Variants in DYNC2H1 observed in about 807,000 individuals in gnomAD.
DYNC2H1 encodes cytoplasmic dynein 2 heavy chain 1.
DYNC2H1 carries 410 observed loss-of-function variants against 570.0 expected under a neutral mutation model. The observed-to-expected ratio is 0.72, with a 90% CI of 0.66 to 0.78. The LOEUF (loss-of-function observed/expected upper bound fraction) is 0.78, where lower values mean the gene tolerates loss of function less well. Among genes scored for constraint, DYNC2H1 ranks in the 30% least tolerant of loss-of-function variants. DYNC2H1 has a pLI of 0.00. For synonymous variants in DYNC2H1, 1,688 were observed against 1,677.6 expected (o/e 1.01, Z -0.15); for missense variants, 4,865 against 5,046.4 (o/e 0.96, Z 1.09).
chr11:103,197,796 A>G (rs1438006233), intron 47 of DYNC2H1, 137 bp from the exon 48 acceptor site: 2 of 934,274 alleles, frequency 2.1e-6, no homozygotes, highest in African/African-American at 3.4e-5. Context: ...TGTACACTTT[A>G]AAGTATTTTG....
At chr11:103,378,231 C>T (rs1000427056) in intron 83 of DYNC2H1, among the ~76,000 whole-genome samples, 6 of 152,220 alleles carry the variant, frequency 3.9e-5, no homozygotes, top group African/African-American at 1.4e-4. Context: ...TCCTTTCACA[C>T]AGGCAACAGA....
At chr11:103,313,847 C>T (rs975400379) in intron 79 of DYNC2H1, among the ~76,000 whole-genome samples, 1 of 152,118 alleles carries the variant, frequency 6.6e-6, no homozygotes, top group African/African-American at 2.4e-5. Context: ...ATGTATACCA[C>T]ACTTATGGGG....
intron 53 of DYNC2H1, among the ~76,000 whole-genome samples, chr11:103,210,170 T>C (rs540611961): frequency 6.6e-6 from 1 of 152,068 alleles, no homozygotes; most frequent in Non-Finnish European, 1.5e-5. Flanking sequence ...CCCAACAGAA[T>C]ATCTACTGTG....
At chr11:103,415,644 G>A (rs1348669459) in intron 84 of DYNC2H1, among the ~76,000 whole-genome samples, 1 of 152,144 alleles carries the variant, frequency 6.6e-6, no homozygotes, top group Non-Finnish European at 1.5e-5. Context: ...AAAAAGTCAG[G>A]AAACAACCAA....
chr11:103,110,167 GCGCCGC>G (rs929224666), intron 1 of DYNC2H1, among the ~76,000 whole-genome samples: 1 of 151,874 alleles, frequency 6.6e-6, no homozygotes, highest in African/African-American at 2.4e-5. Flanking sequence ...TAGCAGGCGC[GCGCCGC>G]CACGCCTGGC....
chr11:103,125,146 T>C lies in DYNC2H1; in HGVS notation c.1708T>C (p.Leu570=). 1 of 1,613,606 alleles carries C rather than the reference T, an allele frequency of 6.2e-7. No individual in the cohort carries two copies. Among genetic ancestry groups the C allele is most frequent in the Non-Finnish European group, 8.5e-7 (1 of 1,179,744 alleles). The part of the protein sequence containing the change: ...RIMELDSNDG[L]LKVHYSDRLV... Reference sequence around the variant, plus strand: ...TATGGAATTGGATTCTAATGATGGATTACTAAAAGTGCATTATTCAGATCG... The same window carrying C: ...TATGGAATTGGATTCTAATGATGGACTACTAAAAGTGCATTATTCAGATCG... The change falls in exon 12 of 89, where the codon TTA becomes CTA. Residue 570 remains leucine (L), a synonymous_variant. Transcript: ENST00000375735.
intron 83 of DYNC2H1, among the ~76,000 whole-genome samples, chr11:103,388,551 A>G (rs1261549015): frequency 9.2e-5 from 14 of 152,244 alleles, no homozygotes; most frequent in Non-Finnish European, 1.9e-4. Flanking sequence ...TTGAATAGGA[A>G]TGGTGAGAGA....
chr11:103,257,586 C>T (rs1393415868), intron 68 of DYNC2H1, 22 bp from the exon 69 acceptor site: 16 of 1,600,866 alleles, frequency 1.0e-5, no homozygotes, highest in East Asian at 2.2e-5. Flanking sequence ...ACCCTATCCC[C>T]TACTGATCTC....
intron 76 of DYNC2H1, among the ~76,000 whole-genome samples, chr11:103,304,132 A>G (rs1867169370): frequency 6.6e-6 from 1 of 152,164 alleles, no homozygotes; most frequent in East Asian, 1.9e-4. Context: ...AAAATAGTTA[A>G]TAATGATTTT....
chr11:103,115,399 G>A lies in DYNC2H1; in HGVS notation c.621+104G>A, dbSNP rs534999214. On this transcript the variant is annotated intron_variant, in intron 4 of 88. Transcript: ENST00000375735. ...GTTTTAAAATGTACTTGATGATTGT[G>A]AACAAAATAGATTCTTTATATGGAG... 433 of 649,270 alleles carry A rather than the reference G, an allele frequency of 6.7e-4. 1 individual carries two copies. The Middle Eastern group carries it at 0.011, about 17-fold the overall frequency. The allele number at this position is 649,270 out of a possible 1,614,324, so 40.2% of individuals were successfully genotyped here. A position where few individuals can be genotyped will look rare whatever the true frequency, so the allele number is the denominator to read the frequency against.
chr11:103,112,348 G>T (rs182526238), intron 1 of DYNC2H1, among the ~76,000 whole-genome samples: 1 of 152,286 alleles, frequency 6.6e-6, no homozygotes, highest in African/African-American at 2.4e-5. Flanking sequence ...AATTGAAATA[G>T]GAAGTTATTG....
At position 103,363,096 on chromosome 11, in the gene DYNC2H1, G is replaced by A. The variant is rs971589576; in HGVS notation, c.12156+4737G>A. ...GGCATTTCATTTAAGTATACTGACA[G>A]CTGGTCTAGGTTTAGCTTGATTTTT... On this transcript the variant is annotated intron_variant, in intron 83 of 88. Transcript: ENST00000375735. This position sits in a 1 kb window ranked among gnomAD's most constrained non-coding sequence, Gnocchi z 5.6. 1.3e-5 allele frequency among the ~76,000 whole-genome samples: 2 copies of A among 152,104 alleles called. No homozygotes were observed. The highest frequency in any genetic ancestry group is 4.8e-5 in the African/African-American group (2 of 41,512).
At chr11:103,253,031 A>G (rs563483823) in intron 65 of DYNC2H1, among the ~76,000 whole-genome samples, 9 of 152,314 alleles carry the variant, frequency 5.9e-5, no homozygotes, top group Admixed American at 1.3e-4. Flanking sequence ...TTAAAACCAT[A>G]CTGAATGAGA....
At chr11:103,415,056 G>A (rs1019651881) in intron 84 of DYNC2H1, among the ~76,000 whole-genome samples, 2 of 152,142 alleles carry the variant, frequency 1.3e-5, no homozygotes, top group Non-Finnish European at 2.9e-5. Flanking sequence ...AGAAACACAA[G>A]CAATGGGGAA....
chr11:103,289,989 T>C lies in DYNC2H1; in HGVS notation c.11095+2384T>C, dbSNP rs1183372258. 6.6e-6 allele frequency among the ~76,000 whole-genome samples: 1 copy of C among 151,974 alleles called. No individual in the cohort carries two copies. Among genetic ancestry groups the C allele is most frequent in the Non-Finnish European group, 1.5e-5 (1 of 68,014 alleles). On this transcript the variant is annotated intron_variant, in intron 75 of 88. Transcript: ENST00000375735. The surrounding 1 kb of genome is among the most constrained non-coding windows in gnomAD (Gnocchi z 4.2). ...TGTGCAACTGCAAGCCAAGGAACAC[T>C]GAAGATTTTTAGTCAACCACGAGAA...
intron 83 of DYNC2H1, among the ~76,000 whole-genome samples, chr11:103,393,073 G>A (rs529631199): frequency 6.6e-5 from 10 of 152,064 alleles, no homozygotes; most frequent in Non-Finnish European, 8.8e-5. Flanking sequence ...TAGTAGAGAC[G>A]GGGTTTCACC....
intron 83 of DYNC2H1, among the ~76,000 whole-genome samples, chr11:103,393,238 TAGTC>T (rs1201260349): frequency 2.0e-5 from 3 of 152,214 alleles, no homozygotes; most frequent in African/African-American, 7.2e-5. Context: ...GCCTGACACA[TAGTC>T]AGTACTCCAT....
intron 83 of DYNC2H1, among the ~76,000 whole-genome samples, chr11:103,396,924 G>A (rs184050558): frequency 2.0e-5 from 3 of 152,104 alleles, no homozygotes; most frequent in Non-Finnish European, 4.4e-5. Flanking sequence ...GCTAAACAAT[G>A]GGTACACATG....
At position 103,208,573 on chromosome 11, in the gene DYNC2H1, T is replaced by C. The variant is rs577028812; in HGVS notation, c.8455-1303T>C. 1.8e-4 allele frequency among the ~76,000 whole-genome samples: 28 copies of C among 152,216 alleles called. 1 individual carries two copies. In the South Asian group the frequency reaches 5.8e-3, roughly 32 times the overall value. ...ATGTGGAACATTGTAGTGGGAAATA[T>C]CATTAAAAGCCAGATTGGGGACAGT... On this transcript the variant is annotated intron_variant, in intron 52 of 88. Transcript: ENST00000375735.
Sources: gnomAD v4.1 joint callset for allele counts (sites outside exome capture counted in the v4.1 genomes callset) on GRCh38, gnomAD v4.1.1 for gene constraint, Gnocchi (gnomAD v3.1) non-coding constraint, MANE v1.5 for transcripts, NCBI Gene and HGNC (gene_info 2026-07-23, HGNC 2026-07-21) for gene names.